Variants in TMEM130 observed in about 807,000 individuals in gnomAD.
TMEM130 encodes the protein transmembrane protein 130.
Under a neutral mutation model 42.9 loss-of-function variants are expected in TMEM130, and 37 were observed. That is an observed-to-expected ratio of 0.86 (90% confidence interval 0.66 to 1.13). The LOEUF is 1.13. Among genes scored for constraint, TMEM130 ranks in the 50% most tolerant of loss-of-function variants. The pLI, the probability that TMEM130 is intolerant of heterozygous loss-of-function variation, is 0.00. For missense variants in TMEM130, 545 were observed against 562.6 expected (o/e 0.97, Z 0.32); for synonymous variants, 259 against 237.7 (o/e 1.09, Z -0.82).
At chr7:98,860,425 G>A in intron 2 of TMEM130, 87 bp from the exon 3 acceptor site, 1 of 1,363,384 alleles carries the variant, frequency 7.3e-7, no homozygotes, top group Non-Finnish European at 9.9e-7. Flanking sequence ...AGCTGTCAAA[G>A]CCACCACTTC....
intron 2 of TMEM130, 56 bp from the exon 3 acceptor site, chr7:98,860,394 C>G (rs1794743733): frequency 1.2e-5 from 18 of 1,514,526 alleles, no homozygotes; most frequent in Non-Finnish European, 1.4e-5. Flanking sequence ...GATCAGGAAA[C>G]CAGGTAGAGA....
chr7:98,866,324 A>G (rs578141541), intron 1 of TMEM130: 36 of 152,336 alleles, frequency 2.4e-4, no homozygotes, highest in African/African-American at 8.4e-4. Context: ...ATAAATAAAT[A>G]CATAAATCAA....
At chr7:98,865,482 C>T (rs1189329540) in intron 1 of TMEM130, among the ~76,000 whole-genome samples, 1 of 152,120 alleles carries the variant, frequency 6.6e-6, no homozygotes, top group African/African-American at 2.4e-5. Flanking sequence ...GTGGCATGCG[C>T]CTGTAATCAC....
chr7:98,857,869 C>T lies in TMEM130; in HGVS notation c.552-1686G>A, dbSNP rs139404616. Among the ~76,000 whole-genome samples, 236 of 151,788 alleles carry T rather than the reference C, an allele frequency of 1.6e-3. 1 individual carries two copies. Among genetic ancestry groups the T allele is most frequent in the African/African-American group, 5.3e-3 (221 of 41,434 alleles). On this transcript the variant is annotated intron_variant, in intron 3 of 7. Transcript: ENST00000339375. ...CCTCCCAAGTAGCTGGGAATACAGG[C>T]GCACACCACCATGCCTGGCTAATTT...
intron 7 of TMEM130, 168 bp from the exon 8 acceptor site, chr7:98,848,376 G>T: frequency 1.2e-6 from 1 of 832,024 alleles, no homozygotes. Flanking sequence ...TGCAAGAGAT[G>T]GATATAGGAG....
intron 6 of TMEM130, among the ~76,000 whole-genome samples, chr7:98,850,273 A>ATATATATATATAT: frequency 3.4e-4 from 12 of 35,470 alleles, no homozygotes; most frequent in Non-Finnish European, 7.0e-4. Context: ...ATATATATAT[A>ATATATATATATAT]TTTTTTTTTT....
chr7:98,857,878 C>T (rs994034077), intron 3 of TMEM130, among the ~76,000 whole-genome samples: 12 of 151,864 alleles, frequency 7.9e-5, no homozygotes, highest in African/African-American at 2.9e-4. Context: ...GCGCACACCA[C>T]CATGCCTGGC....
chr7:98,869,791 GCC>G lies in TMEM130; in HGVS notation c.69_70del (p.Ala24ArgfsTer8). 1 of 1,429,016 alleles carries G rather than the reference GCC, an allele frequency of 7.0e-7. No homozygotes were observed. Among genetic ancestry groups the G allele is most frequent in the Non-Finnish European group, 9.2e-7 (1 of 1,092,082 alleles). The allele number at this position is 1,429,016 out of a possible 1,614,324, so 88.5% of individuals were successfully genotyped here. On this transcript the variant is annotated frameshift_variant, in exon 1 of 8. Transcript: ENST00000339375. LOFTEE classifies it high-confidence loss of function. The surrounding 1 kb of genome is among the most constrained non-coding windows in gnomAD (Gnocchi z 4.7). ...CAGCGCCTTACCTGCGGCCACCCCT[GCC>G]GGGGCCCAGGGCAGGAGGCAGGCAA...
At position 98,856,120 on chromosome 7, in the gene TMEM130, G is replaced by A. The variant is rs369234660; in HGVS notation, c.615C>T (p.Thr205=). 3.1e-6 allele frequency: 5 copies of A among 1,613,878 alleles called. No homozygotes were observed. Among genetic ancestry groups the A allele is most frequent in the African/African-American group, 2.7e-5 (2 of 74,912 alleles). The part of the protein sequence containing the change: ...YYNYSIIGTF[T]VKLKVVAEWE... ...ACTCCGCCACCACTTTGAGCTTCAC[G>A]GTGAAGGTCCCGATGATGGAATAGT... Residue 205 remains threonine (T), a synonymous_variant, in exon 4 of 8, where the codon ACC becomes ACT. Transcript: ENST00000339375.
rs958972833 is a variant in TMEM130, at chr7:98,869,254, G to C, written c.85+523C>G. On this transcript the variant is annotated intron_variant, in intron 1 of 7. Transcript: ENST00000339375. This position sits in a 1 kb window ranked among gnomAD's most constrained non-coding sequence, Gnocchi z 4.7. Reference sequence around the variant, plus strand: ...CCATTTTGGAAATCACCACCAGAGAGGAAATGGCAGCCTGGCCTCCTGGGC... The same window carrying C: ...CCATTTTGGAAATCACCACCAGAGACGAAATGGCAGCCTGGCCTCCTGGGC... The C allele has an allele frequency of 2.1e-5, 27 of 1,289,044 alleles. No individual in the cohort carries two copies. The highest frequency in any genetic ancestry group is 2.7e-5 in the Non-Finnish European group (27 of 988,738). 79.9% of individuals were successfully genotyped at this position (1,289,044 alleles called of 1,614,324 possible). A position where few individuals can be genotyped will look rare whatever the true frequency, so the allele number is the denominator to read the frequency against.
chr7:98,850,273 A>ATATATATATATATATATATATTTTTT, intron 6 of TMEM130, among the ~76,000 whole-genome samples: 2 of 35,452 alleles, frequency 5.6e-5, no homozygotes, highest in African/African-American at 7.6e-5. Context: ...ATATATATAT[A>ATATATATATATATATATATATTTTTT]TTTTTTTTTT....
rs184954452 is a variant in TMEM130 at position 98,848,642 on chromosome 7, A to G, written c.1060T>C (p.Leu354=). The stretch of plus-strand genomic sequence containing the variant: ...AGGGTCATGTACATGATGAAGGCCA[A>G]CATCACAGTGATAAGTGTAGCACAT... ...FPCATLITVM[L]AFIMYMTLRN... The change falls in exon 7 of 8, where the codon TTG becomes CTG. Residue 354 remains leucine (L), a synonymous_variant. Transcript: ENST00000339375. 22 of 1,614,182 alleles carry G rather than the reference A, an allele frequency of 1.4e-5. No homozygotes were observed. In the East Asian group the frequency reaches 4.7e-4, roughly 34 times the overall value.
Position 98,855,355 on chromosome 7 carries a change from G to T in TMEM130, c.719-31C>A. 3 of 1,589,800 alleles carry T rather than the reference G, an allele frequency of 1.9e-6. No individual in the cohort carries two copies. The South Asian group carries it at 3.4e-5, about 18-fold the overall frequency. ...AGGCAGAGAGAACCCCGTTAGACCT[G>T]GTGGCTAAGGATTGCTGTCGAGGCT... On this transcript the variant is annotated intron_variant, in intron 4 of 7. Coordinates refer to ENST00000339375, the MANE Select transcript of TMEM130 (RefSeq NM_152913.3).
chr7:98,850,510 C>T (rs781831123), intron 6 of TMEM130, among the ~76,000 whole-genome samples: 1 of 151,400 alleles, frequency 6.6e-6, no homozygotes, highest in Non-Finnish European at 1.5e-5. Context: ...AACTCTTGGC[C>T]TCAAGTGATC....
intron 3 of TMEM130, 108 bp from the exon 4 acceptor site, chr7:98,856,291 C>A: frequency 9.3e-7 from 1 of 1,080,708 alleles, no homozygotes; most frequent in Non-Finnish European, 1.3e-6. Context: ...GGAGGCTGTA[C>A]AGTGATACTC....
At position 98,859,725 on chromosome 7, in the gene TMEM130, TAAA is replaced by T. The variant is rs1554399480; in HGVS notation, c.551+451_551+453del. On this transcript the variant is annotated intron_variant, in intron 3 of 7. Transcript: ENST00000339375. ...CCCAGTCTCTACTAAAAAATATAAA[TAAA>T]TAAATTAATTAATTAATTAATTAAA... Among the ~76,000 whole-genome samples, 674 of 149,760 alleles carry T rather than the reference TAAA, an allele frequency of 4.5e-3. 5 individuals carry two copies. The highest frequency in any genetic ancestry group is 0.017 in the Admixed American group (249 of 14,992).
In TMEM130 at chr7:98,869,346, T is replaced by G. The variant is rs1794976063; in HGVS notation, c.85+431A>C. The G allele has an allele frequency of 8.2e-7, 1 of 1,222,794 alleles. No homozygotes were observed. Among genetic ancestry groups the G allele is most frequent in the Admixed American group, 3.0e-5 (1 of 32,802 alleles). 75.7% of individuals were successfully genotyped at this position (1,222,794 alleles called of 1,614,324 possible). Reference sequence around the variant, plus strand: ...GAAACCCCTCTAGATGAGGCGACATTTTAAGGCAAAAACGTTGCCCATCCC... The same window carrying G: ...GAAACCCCTCTAGATGAGGCGACATGTTAAGGCAAAAACGTTGCCCATCCC... On this transcript the variant is annotated intron_variant, in intron 1 of 7. Coordinates refer to ENST00000339375, the MANE Select transcript of TMEM130 (RefSeq NM_152913.3). This position sits in a 1 kb window ranked among gnomAD's most constrained non-coding sequence, Gnocchi z 4.7.
At position 98,863,326 on chromosome 7, in the gene TMEM130, C is replaced by G. The variant is rs1554400151; in HGVS notation, c.160G>C (p.Val54Leu). ...GAVVTISASL[V>L]AKDNGSLALP... ...GCCAGGCTGCCGTTGTCCTTGGCCA[C>G]CAGGCTGGCCGAGATGGTCACCACC... Residue 54 changes from valine (V) to leucine (L), a missense_variant, in exon 2 of 8, where the codon GTG becomes CTG. By Grantham distance (32) the Val-to-Leu change is conservative. Coordinates refer to ENST00000339375, the MANE Select transcript of TMEM130 (RefSeq NM_152913.3). The G allele has an allele frequency of 1.2e-6, 2 of 1,611,810 alleles. No individual in the cohort carries two copies. The highest frequency in any genetic ancestry group is 1.7e-6 in the Non-Finnish European group (2 of 1,179,908).
intron 3 of TMEM130, among the ~76,000 whole-genome samples, chr7:98,857,099 C>A (rs1309282222): frequency 6.6e-6 from 1 of 151,692 alleles, no homozygotes; most frequent in Non-Finnish European, 1.5e-5. Context: ...TTTTTGTATT[C>A]TTTGTAGAGA....
Sources: gnomAD v4.1 joint callset for allele counts (sites outside exome capture counted in the v4.1 genomes callset) on GRCh38, gnomAD v4.1.1 for gene constraint, Gnocchi (gnomAD v3.1) non-coding constraint, MANE v1.5 for transcripts, NCBI Gene and HGNC (gene_info 2026-07-23, HGNC 2026-07-21) for gene names.